Variants in RUNDC3B observed in about 807,000 individuals in gnomAD.
The protein encoded by RUNDC3B is RUN domain-containing protein 3B.
Under a neutral mutation model 58.4 loss-of-function variants are expected in RUNDC3B, and 33 were observed. The observed-to-expected ratio is 0.56, with a 90% CI of 0.43 to 0.75. The LOEUF is 0.75. Ranked by LOEUF, RUNDC3B falls within the 30% of genes least tolerant of loss-of-function variation. The pLI is 0.00. For missense variants in RUNDC3B, 501 were observed against 535.7 expected (o/e 0.94, Z 0.64); for synonymous variants, 193 against 195.2 (o/e 0.99, Z 0.10).
At chr7:87,652,962 A>G (rs916913307) in intron 2 of RUNDC3B, among the ~76,000 whole-genome samples, 1 of 151,972 alleles carries the variant, frequency 6.6e-6, no homozygotes, top group Admixed American at 6.6e-5. Context: ...TCAACATTAA[A>G]CTTTTCCAGA....
chr7:87,721,380 T>G (rs1397988515), intron 4 of RUNDC3B, among the ~76,000 whole-genome samples: 2 of 152,046 alleles, frequency 1.3e-5, no homozygotes, highest in African/African-American at 4.8e-5. Context: ...TATGGTATGC[T>G]TCTGATAATT....
chr7:87,664,314 G>A (rs1825014074), intron 2 of RUNDC3B, among the ~76,000 whole-genome samples: 1 of 151,976 alleles, frequency 6.6e-6, no homozygotes, highest in South Asian at 2.1e-4. Context: ...TCAAGCCTGG[G>A]CAACACAGCA....
Position 87,628,809 on chromosome 7 carries a change from G to C in RUNDC3B, c.-15G>C. The C allele has an allele frequency of 1.6e-6, 2 of 1,232,670 alleles. No individual in the cohort carries two copies. Among genetic ancestry groups the C allele is most frequent in the Non-Finnish European group, 2.1e-6 (2 of 973,942 alleles). 76.4% of individuals were successfully genotyped at this position (1,232,670 alleles called of 1,614,324 possible). On this transcript the variant is annotated 5_prime_UTR_variant, in exon 1 of 11. Transcript: ENST00000394654. ...GGGTGGCACGAGACAAAAGGGGCAC[G>C]GGGGTAAGCCCGCCATGGCCTCCCG...
chr7:87,709,409 C>G (rs1348247661), intron 3 of RUNDC3B: 1 of 985,374 alleles, frequency 1.0e-6, no homozygotes, highest in Non-Finnish European at 1.2e-6. Flanking sequence ...CTTCCTTCCT[C>G]TGTTCCAATC....
intron 3 of RUNDC3B, 73 bp downstream of exon 3, chr7:87,700,627 A>G: frequency 7.3e-7 from 1 of 1,373,988 alleles, no homozygotes. Flanking sequence ...GGAAGGTGTG[A>G]AGCTACTTAC....
In RUNDC3B at chr7:87,689,990, T is replaced by A. The variant is rs185405379; in HGVS notation, c.239-10431T>A. On this transcript the variant is annotated intron_variant, in intron 2 of 10. Transcript: ENST00000394654. ...TTAAATAGCTGTCATAGATTTTTTT[T>A]TAAAAATTTTTAAATTTTTTATAGA... Among the ~76,000 whole-genome samples the A allele has an allele frequency of 1.9e-3, 289 of 152,186 alleles. 2 individuals carry two copies. Among genetic ancestry groups the A allele is most frequent in the African/African-American group, 6.6e-3 (273 of 41,538 alleles).
At chr7:87,751,250 G>T (rs1169375898) in intron 6 of RUNDC3B, among the ~76,000 whole-genome samples, 3 of 151,928 alleles carry the variant, frequency 2.0e-5, no homozygotes, top group Non-Finnish European at 4.4e-5. Flanking sequence ...TCTCTGTTTT[G>T]GTACCAGTAC....
At chr7:87,694,210 A>G (rs2130660527) in intron 2 of RUNDC3B, among the ~76,000 whole-genome samples, 1 of 152,208 alleles carries the variant, frequency 6.6e-6, no homozygotes, top group South Asian at 2.1e-4. Flanking sequence ...GTGCTGTATA[A>G]TAATAAATAT....
At chr7:87,825,045 C>T (rs958196640) in intron 10 of RUNDC3B, among the ~76,000 whole-genome samples, 3 of 151,926 alleles carry the variant, frequency 2.0e-5, no homozygotes, top group African/African-American at 4.8e-5. Flanking sequence ...TGGTGAAACC[C>T]TGTCACTACT....
At chr7:87,636,923 A>G (rs1211597112) in intron 1 of RUNDC3B, among the ~76,000 whole-genome samples, 1 of 152,238 alleles carries the variant, frequency 6.6e-6, no homozygotes, top group African/African-American at 2.4e-5. Context: ...ACTTACAAGC[A>G]TGGTGGAAGG....
chr7:87,723,527 C>G (rs112699623), intron 4 of RUNDC3B, among the ~76,000 whole-genome samples: 1 of 152,088 alleles, frequency 6.6e-6, no homozygotes, highest in East Asian at 1.9e-4. Context: ...AGAAAAATAC[C>G]AATCCATCAT....
chr7:87,802,952 T>C (rs1175345218), intron 8 of RUNDC3B, among the ~76,000 whole-genome samples: 1 of 152,018 alleles, frequency 6.6e-6, no homozygotes, highest in Non-Finnish European at 1.5e-5. Flanking sequence ...ATCACTGCAC[T>C]TCACCCTGGG....
intron 4 of RUNDC3B, among the ~76,000 whole-genome samples, chr7:87,731,982 C>T (rs1831605386): frequency 1.3e-5 from 2 of 152,060 alleles, no homozygotes; most frequent in African/African-American, 2.4e-5. Context: ...TCTCCTCAGC[C>T]CATGGATCAT....
rs140359555 is a variant in RUNDC3B at position 87,723,195 on chromosome 7, A to T, written c.458+12540A>T. Among the ~76,000 whole-genome samples the T allele has an allele frequency of 9.8e-3, 1,493 of 152,310 alleles. 22 individuals carry two copies. Among genetic ancestry groups the T allele is most frequent in the African/African-American group, 0.033 (1,380 of 41,568 alleles). ...TTAAAAGTGACCTGAATAGATAAAT[A>T]AAATAGACAAATACCTAATAAGTAC... On this transcript the variant is annotated intron_variant, in intron 4 of 10. Coordinates refer to ENST00000394654, the MANE Select transcript of RUNDC3B (RefSeq NM_001134405.2).
chr7:87,659,448 A>G (rs1371073398), intron 2 of RUNDC3B, among the ~76,000 whole-genome samples: 1 of 152,034 alleles, frequency 6.6e-6, no homozygotes, highest in Non-Finnish European at 1.5e-5. Flanking sequence ...TCCAGTGTGA[A>G]GTTTAAAAAT....
chr7:87,730,198 CAG>C (rs1188868381), intron 4 of RUNDC3B, among the ~76,000 whole-genome samples: 1 of 152,156 alleles, frequency 6.6e-6, no homozygotes, highest in African/African-American at 2.4e-5. Context: ...GGTTGAGAAA[CAG>C]AGAATGAATG....
intron 8 of RUNDC3B, among the ~76,000 whole-genome samples, chr7:87,802,392 C>CA (rs1338925018): frequency 6.7e-6 from 1 of 150,046 alleles, no homozygotes; most frequent in African/African-American, 2.5e-5. Context: ...AACCCTGTCT[C>CA]AAAAAAAATA....
rs997833325 is a variant in RUNDC3B at position 87,831,629 on chromosome 7, A to G, written c.*1599A>G. The G allele has an allele frequency of 1.3e-5, 2 of 151,960 alleles. No individual in the cohort carries two copies. Among genetic ancestry groups the G allele is most frequent in the East Asian group, 1.9e-4 (1 of 5,196 alleles). The allele number at this position is 151,960 out of a possible 1,614,324, so 9.4% of individuals were successfully genotyped here. A position where few individuals can be genotyped will look rare whatever the true frequency, so the allele number is the denominator to read the frequency against. On this transcript the variant is annotated 3_prime_UTR_variant, in exon 11 of 11. Transcript: ENST00000394654. ...TTTGTTCTCAATTTCTCAATTCTAC[A>G]TACCTGATTATGAGTGAAGTATCCA... is the stretch of plus-strand genomic sequence containing the variant.
chr7:87,744,264 CT>C (rs1171834376), intron 6 of RUNDC3B, among the ~76,000 whole-genome samples: 1 of 151,982 alleles, frequency 6.6e-6, no homozygotes, highest in African/African-American at 2.4e-5. Context: ...CAAATTTGTT[CT>C]TTTTGCTTAG....
Sources: gnomAD v4.1 joint callset for allele counts (sites outside exome capture counted in the v4.1 genomes callset) on GRCh38, gnomAD v4.1.1 for gene constraint, MANE v1.5 for transcripts, NCBI Gene and HGNC (gene_info 2026-07-23, HGNC 2026-07-21) for gene names.